The following SERTAD2 variants were observed in gnomAD, a reference collection of about 807,000 sequenced individuals.
SERTAD2 encodes the protein SERTA domain-containing protein 2.
Under a neutral mutation model 15.4 loss-of-function variants are expected in SERTAD2, and 2 were observed. The ratio of observed to expected loss-of-function variants is 0.13; its 90% CI spans 0.05 to 0.41. The LOEUF (loss-of-function observed/expected upper bound fraction) is 0.41. Ranked by LOEUF, SERTAD2 falls within the 10% of genes least tolerant of loss-of-function variation. SERTAD2 has a pLI of 0.99. For synonymous variants in SERTAD2, 180 were observed against 178.0 expected, an observed-to-expected ratio of 1.01 and a Z score of -0.09; for missense variants, 333 against 409.7, an observed-to-expected ratio of 0.81 and a Z score of 1.62.
intron 1 of SERTAD2, among the ~76,000 whole-genome samples, chr2:64,641,754 A>G (rs1674782696): frequency 6.6e-6 from 1 of 152,182 alleles, no homozygotes; most frequent in African/African-American, 2.4e-5. Context: ...AGGCGGGATC[A>G]GGGTCGCGCA....
chr2:64,653,344 C>G (rs1055952672), intron 1 of SERTAD2, among the ~76,000 whole-genome samples: 1 of 152,084 alleles, frequency 6.6e-6, no homozygotes, highest in African/African-American at 2.4e-5. Flanking sequence ...CTCGGCTCTC[C>G]GAGCTCCCGA....
intron 1 of SERTAD2, among the ~76,000 whole-genome samples, chr2:64,642,101 C>T (rs1674789208): frequency 6.6e-6 from 1 of 152,206 alleles, no homozygotes; most frequent in Admixed American, 6.5e-5. Flanking sequence ...CAAGGCCTTC[C>T]TTATTTGTGT....
rs760972379 is a variant in SERTAD2, at chr2:64,636,228, C to T, written c.644G>A (p.Arg215His). 106 of 1,614,054 alleles carry T rather than the reference C, an allele frequency of 6.6e-5. No individual in the cohort carries two copies. Among genetic ancestry groups the T allele is most frequent in the South Asian group, 4.9e-4 (45 of 91,084 alleles). Reference protein sequence around the residue: ...TQKLDGPQESRADDSKLMDSL... With the variant: ...TQKLDGPQESHADDSKLMDSL... ...GTCCATCAGTTTTGAGTCATCTGCG[C>T]GGCTCTCTTGAGGACCGTCGAGTTT... The change falls in exon 2 of 2, where the codon CGC becomes CAC. Residue 215 changes from arginine to histidine, a missense_variant. Coordinates refer to ENST00000313349, the MANE Select transcript of SERTAD2 (RefSeq NM_014755.3).
chr2:64,644,846 T>TG (rs1674860313), intron 1 of SERTAD2: 2 of 152,108 alleles, frequency 1.3e-5, no homozygotes, highest in Non-Finnish European at 2.9e-5. Flanking sequence ...TGCGGGAAGG[T>TG]GCTGGGGCAT....
chr2:64,636,478 G>C lies in SERTAD2; in HGVS notation c.394C>G (p.Pro132Ala), dbSNP rs940234157. 6.2e-7 allele frequency: 1 copy of C among 1,613,732 alleles called. No individual in the cohort carries two copies. Among genetic ancestry groups the C allele is most frequent in the Admixed American group, 1.7e-5 (1 of 60,006 alleles). ...TCGTCGTCCTCGAGCAGTGAGGCCGGGGTGAGGCAGGCCTCCAGGGGCGTA... is the reference window on the plus strand; with the variant it reads ...TCGTCGTCCTCGAGCAGTGAGGCCGCGGTGAGGCAGGCCTCCAGGGGCGTA... ...STTPLEACLT[P>A]ASLLEDDDDT... Residue 132 changes from proline to alanine, a missense_variant, in exon 2 of 2, where the codon CCG (proline) becomes GCG (alanine). Around this residue, in one of 2 missense-constraint regions of SERTAD2, gnomAD observed 332 missense variants for 392.9 expected, o/e 0.84. Transcript: ENST00000313349.
At chr2:64,648,699 C>T (rs1438788949) in intron 1 of SERTAD2, among the ~76,000 whole-genome samples, 1 of 152,110 alleles carries the variant, frequency 6.6e-6, no homozygotes, top group Non-Finnish European at 1.5e-5. Context: ...ATTCATTCTA[C>T]CTGTCTTCTG....
chr2:64,636,888 G>C lies in SERTAD2; in HGVS notation c.-4-13C>G. 6.4e-7 allele frequency: 1 copy of C among 1,559,942 alleles called. No homozygotes were observed. The highest frequency in any genetic ancestry group is 8.8e-7 in the Non-Finnish European group (1 of 1,140,182). The stretch of plus-strand genomic sequence containing the variant: ...ACCCAACATATATCTGCAGAGGGGA[G>C]AGAGAGGAAATGGCATTAATCACAT... On this transcript the variant is annotated splice_polypyrimidine_tract_variant and intron_variant, in intron 1 of 1. Coordinates refer to ENST00000313349, the MANE Select transcript of SERTAD2 (RefSeq NM_014755.3).
In SERTAD2 at chr2:64,632,080, C is replaced by CA. The variant is rs1674544539; in HGVS notation, c.*3846dup. 6.6e-6 allele frequency: 1 copy of CA among 152,610 alleles called. No individual in the cohort carries two copies. The highest frequency in any genetic ancestry group is 2.1e-4 in the South Asian group (1 of 4,826). 9.5% of individuals were successfully genotyped at this position (152,610 alleles called of 1,614,324 possible). On this transcript the variant is annotated 3_prime_UTR_variant, in exon 2 of 2. Transcript: ENST00000313349. ...CAGGATGCACACAACTCCATGCCTCCAGGTGCGGGGCAGTTACAGGAAGGT... is the reference window on the plus strand; with the variant it reads ...CAGGATGCACACAACTCCATGCCTCCAAGGTGCGGGGCAGTTACAGGAAGGT...
intron 1 of SERTAD2, among the ~76,000 whole-genome samples, chr2:64,647,230 T>G: frequency 6.6e-6 from 1 of 152,238 alleles, no homozygotes; most frequent in East Asian, 1.9e-4. Context: ...TCATAATAGA[T>G]GAAATGTTAT....
At chr2:64,642,164 C>A (rs1042601915) in intron 1 of SERTAD2, among the ~76,000 whole-genome samples, 2 of 152,224 alleles carry the variant, frequency 1.3e-5, no homozygotes, top group African/African-American at 2.4e-5. Flanking sequence ...TAGCAACTGA[C>A]AACTGACATT....
rs1015253188 is a variant in SERTAD2 at position 64,635,566 on chromosome 2, C to T, written c.*361G>A. 2 of 178,808 alleles carry T rather than the reference C, an allele frequency of 1.1e-5. No individual in the cohort carries two copies. Among genetic ancestry groups the T allele is most frequent in the African/African-American group, 4.7e-5 (2 of 42,222 alleles). 11.1% of individuals were successfully genotyped at this position (178,808 alleles called of 1,614,324 possible). On this transcript the variant is annotated 3_prime_UTR_variant, in exon 2 of 2. Transcript: ENST00000313349. ...TTCTTCTTTACCTCTTGCAATAAAA[C>T]TTATAGAAAAAATAGACAAATATGC... is the stretch of plus-strand genomic sequence containing the variant.
In SERTAD2 at chr2:64,631,909, G is replaced by A. The variant is rs1040664422; in HGVS notation, c.*4018C>T. On this transcript the variant is annotated 3_prime_UTR_variant, in exon 2 of 2. Coordinates refer to ENST00000313349, the MANE Select transcript of SERTAD2 (RefSeq NM_014755.3). ...CAAAATCTCGGTCATGCGCACATAT[G>A]GCCTGCATTTCTCTTCCAAAACTTG... 2 of 152,538 alleles carry A rather than the reference G, an allele frequency of 1.3e-5. No individual in the cohort carries two copies. Among genetic ancestry groups the A allele is most frequent in the Non-Finnish European group, 2.9e-5 (2 of 68,048 alleles). 9.4% of individuals were successfully genotyped at this position (152,538 alleles called of 1,614,324 possible).
intron 1 of SERTAD2, among the ~76,000 whole-genome samples, chr2:64,639,521 A>G (rs577250093): frequency 6.6e-6 from 1 of 152,366 alleles, no homozygotes; most frequent in South Asian, 2.1e-4. Context: ...AAAACAAACT[A>G]GCTTATTGCC....
At chr2:64,641,645 CAG>C (rs2104344180) in intron 1 of SERTAD2, among the ~76,000 whole-genome samples, 1 of 151,702 alleles carries the variant, frequency 6.6e-6, no homozygotes, top group South Asian at 2.1e-4. Flanking sequence ...AAAACAGAGC[CAG>C]GTGTGTGTGT....
At chr2:64,639,920 G>A (rs1010052739) in intron 1 of SERTAD2, among the ~76,000 whole-genome samples, 4 of 152,172 alleles carry the variant, frequency 2.6e-5, no homozygotes, top group African/African-American at 9.7e-5. Flanking sequence ...TGCCTGGAAG[G>A]GGAGGGCAGA....
intron 1 of SERTAD2, among the ~76,000 whole-genome samples, chr2:64,652,607 G>A (rs965727741): frequency 6.6e-6 from 1 of 152,210 alleles, no homozygotes; most frequent in African/African-American, 2.4e-5. Flanking sequence ...AAGCCCAACT[G>A]AGGCTGCCCA....
intron 1 of SERTAD2, among the ~76,000 whole-genome samples, chr2:64,643,380 G>T (rs1039716880): frequency 2.0e-4 from 30 of 152,336 alleles, no homozygotes; most frequent in African/African-American, 6.7e-4. Context: ...GGCTAGTGGG[G>T]TGAGCTGGCC....
chr2:64,648,904 G>C (rs1028579838), intron 1 of SERTAD2, among the ~76,000 whole-genome samples: 2 of 152,080 alleles, frequency 1.3e-5, no homozygotes, highest in African/African-American at 4.8e-5. Context: ...GACAAGCAGA[G>C]AGGCAGAGCA....
chr2:64,631,896 C>T lies in SERTAD2; in HGVS notation c.*4031G>A, dbSNP rs185211366. On this transcript the variant is annotated 3_prime_UTR_variant, in exon 2 of 2. Coordinates refer to ENST00000313349, the MANE Select transcript of SERTAD2 (RefSeq NM_014755.3). ...GTACATCTTTTTTCAAAATCTCGGT[C>T]ATGCGCACATATGGCCTGCATTTCT... The T allele has an allele frequency of 6.5e-6, 1 of 152,736 alleles. No individual in the cohort carries two copies. The highest frequency in any genetic ancestry group is 1.5e-5 in the Non-Finnish European group (1 of 68,024). The allele number at this position is 152,736 out of a possible 1,614,324, so 9.5% of individuals were successfully genotyped here.
Sources: gnomAD v4.1 joint callset for allele counts (sites outside exome capture counted in the v4.1 genomes callset) on GRCh38, gnomAD v4.1.1 for gene constraint, gnomAD v4.1.1 regional missense constraint, MANE v1.5 for transcripts, NCBI Gene and HGNC (gene_info 2026-07-23, HGNC 2026-07-21) for gene names.